KLK6: variants seen among roughly 807,000 people sequenced by gnomAD.
The protein encoded by KLK6 is kallikrein related peptidase 6, also known as kallikrein-6.
KLK6 carries 16 observed loss-of-function variants against 21.7 expected under a neutral mutation model. The ratio of observed to expected loss-of-function variants is 0.74; its 90% CI spans 0.50 to 1.12. KLK6 has a LOEUF of 1.12. KLK6 is among the 50% of genes most tolerant of loss of function. The probability of loss-of-function intolerance (pLI) is 0.00; values close to 1 mark genes in which losing one functional copy is unlikely to be tolerated. For synonymous variants in KLK6, 116 were observed against 120.1 expected, an observed-to-expected ratio of 0.97 and a Z score of 0.22; for missense variants, 276 against 304.6, an observed-to-expected ratio of 0.91 and a Z score of 0.70.
At chr19:50,965,590 G>T (rs949672649) in intron 4 of KLK6, among the ~76,000 whole-genome samples, 1 of 152,144 alleles carries the variant, frequency 6.6e-6, no homozygotes, top group Admixed American at 6.5e-5. Context: ...CACTTTGCTT[G>T]TCTGCACCTT....
At position 50,961,382 on chromosome 19, in the gene KLK6, G is replaced by A. The variant is rs547392146; in HGVS notation, c.582+362C>T. On this transcript the variant is annotated intron_variant, in intron 6 of 6. Coordinates refer to ENST00000310157, the MANE Select transcript of KLK6 (RefSeq NM_002774.4). Reference sequence around the variant, plus strand: ...AGATAGGGTTTCACCATGTTGATCAGGCTGGTCTCGAACTCCTGACCCTAG... The same window carrying A: ...AGATAGGGTTTCACCATGTTGATCAAGCTGGTCTCGAACTCCTGACCCTAG... Among the ~76,000 whole-genome samples the A allele has an allele frequency of 2.2e-4, 33 of 151,416 alleles. No homozygotes were observed. In the South Asian group the frequency reaches 6.3e-3, roughly 29 times the overall value.
intron 4 of KLK6, among the ~76,000 whole-genome samples, chr19:50,963,864 T>C (rs998829655): frequency 2.0e-5 from 3 of 152,112 alleles, no homozygotes; most frequent in Non-Finnish European, 2.9e-5. Context: ...ACTAGAGCAG[T>C]AGCCTCCTCA....
In KLK6 at chr19:50,967,362, G is replaced by A. The variant is rs140254627; in HGVS notation, c.41-37C>T. ...AAGATCTGAGTCAGAGAGGAGTTCT[G>A]GAGAAACCAAGCGCATCCCCCTCAA... On this transcript the variant is annotated intron_variant, in intron 3 of 6. Coordinates refer to ENST00000310157, the MANE Select transcript of KLK6 (RefSeq NM_002774.4). 4.1e-3 allele frequency: 6,344 copies of A among 1,558,290 alleles called. 17 individuals carry two copies. The highest frequency in any genetic ancestry group is 5.1e-3 in the Non-Finnish European group (5,841 of 1,150,440).
At chr19:50,961,713 C>T in intron 6 of KLK6, 31 bp downstream of exon 6, 1 of 1,607,522 alleles carries the variant, frequency 6.2e-7, no homozygotes, top group Non-Finnish European at 8.5e-7. Flanking sequence ...CTGTCCCTGG[C>T]TGTGTAAGTG....
intron 6 of KLK6, 48 bp from the exon 7 acceptor site, chr19:50,959,364 T>TCA: frequency 1.1e-5 from 1 of 88,738 alleles, no homozygotes; most frequent in East Asian, 8.2e-4. Flanking sequence ...ACCCAGAGAC[T>TCA]GTGTGTGTGT....
rs1311913625 is a variant in KLK6, at chr19:50,961,660, G to A, written c.582+84C>T. The A allele has an allele frequency of 5.3e-6, 8 of 1,523,364 alleles. No homozygotes were observed. The Admixed American group carries it at 1.5e-4, about 28-fold the overall frequency. The allele number at this position is 1,523,364 out of a possible 1,614,324, so 94.4% of individuals were successfully genotyped here. On this transcript the variant is annotated intron_variant, in intron 6 of 6. Transcript: ENST00000310157. ...TCTGTAAAGCTCTCTTTTGGCCTGT[G>A]TCTCTCTCTTCCTGTGTCTGGCCAT...
chr19:50,958,807 A>G lies in KLK6; in HGVS notation c.*357T>C. On this transcript the variant is annotated 3_prime_UTR_variant, in exon 7 of 7. Transcript: ENST00000310157. ...GTGAAGAAAGGTACATCCCAAGGGG[A>G]CACCGACAGTAAGCAGCGGAGCTGG... is the stretch of plus-strand genomic sequence containing the variant. 3.4e-6 allele frequency: 1 copy of G among 291,030 alleles called. No homozygotes were observed. Among genetic ancestry groups the G allele is most frequent in the Admixed American group, 4.7e-5 (1 of 21,334 alleles). The allele number at this position is 291,030 out of a possible 1,614,324, so 18.0% of individuals were successfully genotyped here.
In KLK6 at chr19:50,967,274, G is replaced by A. The variant is rs765571984; in HGVS notation, c.92C>T (p.Thr31Ile). Residue 31 changes from threonine to isoleucine, a missense_variant, in exon 4 of 7, where the codon ACA becomes ATA. By Grantham distance (89) the Thr-to-Ile change is moderately conservative. Transcript: ENST00000310157. ...KLVHGGPCDK[T>I]SHPYQAALYT... is the part of the protein sequence containing the mutation. ...GAGGGCAGCTTGGTAGGGGTGAGAT[G>A]TCTTGTCGCAGGGTCCGCCATGCAC... 1.2e-6 allele frequency: 2 copies of A among 1,613,922 alleles called. No homozygotes were observed. Among genetic ancestry groups the A allele is most frequent in the Non-Finnish European group, 1.7e-6 (2 of 1,179,980 alleles).
chr19:50,961,943 C>G, intron 5 of KLK6, 63 bp from the exon 6 acceptor site: 24 of 1,537,530 alleles, frequency 1.6e-5, no homozygotes, highest in Non-Finnish European at 1.9e-5. Flanking sequence ...CCTCCCCAGT[C>G]ACCCCCCAAC....
At chr19:50,963,898 G>A (rs193285452) in intron 4 of KLK6, among the ~76,000 whole-genome samples, 23 of 152,036 alleles carry the variant, frequency 1.5e-4, no homozygotes, top group Admixed American at 1.4e-3. Context: ...TCTGTCTCTG[G>A]TCCCCCACAG....
intron 6 of KLK6, 101 bp from the exon 7 acceptor site, chr19:50,959,417 G>T: frequency 9.5e-7 from 1 of 1,052,028 alleles, no homozygotes; most frequent in Non-Finnish European, 1.4e-6. Context: ...GTGACAGAGA[G>T]AGAGGTAGAA....
At chr19:50,959,542 G>C (rs2090772287) in intron 6 of KLK6, among the ~76,000 whole-genome samples, 1 of 148,170 alleles carries the variant, frequency 6.7e-6, no homozygotes, top group Non-Finnish European at 1.5e-5. Flanking sequence ...AGAGAATAAA[G>C]GAGACTCAAA....
intron 6 of KLK6, among the ~76,000 whole-genome samples, chr19:50,959,850 A>G (rs369167348): frequency 2.1e-4 from 3 of 14,120 alleles, no homozygotes; most frequent in African/African-American, 3.1e-4. Flanking sequence ...AGGAGGAAGA[A>G]GAGGAGGAGG....
At chr19:50,960,626 C>T (rs1328143759) in intron 6 of KLK6, among the ~76,000 whole-genome samples, 1 of 152,150 alleles carries the variant, frequency 6.6e-6, no homozygotes. Context: ...CAGAGTCTGG[C>T]TCTGTCCCCA....
intron 5 of KLK6, 79 bp from the exon 6 acceptor site, chr19:50,961,959 T>C (rs1381598878): frequency 1.3e-6 from 2 of 1,485,864 alleles, no homozygotes. Context: ...CCAACCCCTA[T>C]AAGTCCTCCA....
At chr19:50,967,945 C>T (rs546619178) in intron 3 of KLK6, 120 bp downstream of exon 3, 6 of 746,420 alleles carry the variant, frequency 8.0e-6, no homozygotes, top group Admixed American at 2.0e-5. Context: ...ACGTCTTCCT[C>T]ATTTCAAAGC....
intron 4 of KLK6, among the ~76,000 whole-genome samples, chr19:50,966,434 C>T (rs559912901): frequency 2.6e-5 from 4 of 152,324 alleles, no homozygotes; most frequent in African/African-American, 9.6e-5. Flanking sequence ...AAAGCAACAG[C>T]CCCCACGTGG....
intron 4 of KLK6, among the ~76,000 whole-genome samples, chr19:50,964,145 A>G (rs113280820): frequency 2.3e-4 from 35 of 152,204 alleles, no homozygotes; most frequent in African/African-American, 7.9e-4. Context: ...TGCCTTGAAC[A>G]CAATAGTGAT....
chr19:50,961,488 C>T (rs147648096), intron 6 of KLK6, among the ~76,000 whole-genome samples: 1 of 152,338 alleles, frequency 6.6e-6, no homozygotes, highest in African/African-American at 2.4e-5. Flanking sequence ...GTTCTTGATC[C>T]CGCGGCCTCC....
Sources: gnomAD v4.1 joint callset for allele counts (sites outside exome capture counted in the v4.1 genomes callset) on GRCh38, gnomAD v4.1.1 for gene constraint, MANE v1.5 for transcripts, NCBI Gene and HGNC (gene_info 2026-07-23, HGNC 2026-07-21) for gene names.